The following CDO1 variants were observed in gnomAD, a reference collection of about 807,000 sequenced individuals.
CDO1 encodes cysteine dioxygenase, type I.
In CDO1, 19 loss-of-function variants were observed where a neutral mutation model predicts 24.5. The ratio of observed to expected loss-of-function variants is 0.77; its 90% confidence interval spans 0.54 to 1.14. The LOEUF is 1.14. CDO1 is among the 50% of genes most tolerant of loss of function. CDO1 has a pLI of 0.00. For missense variants in CDO1, 244 were observed against 244.8 expected (o/e 1.00, Z 0.02); for synonymous variants, 91 against 87.0 (o/e 1.05, Z -0.26).
At position 115,807,787 on chromosome 5, in the gene CDO1, G is replaced by A. The variant is rs187461335; in HGVS notation, c.404-1269C>T. ...TAACCTGTTAATGTTTTCCTGAGTC[G>A]AAGGACACGAATTCCCAGATTTAAA... On this transcript the variant is annotated intron_variant, in intron 3 of 4. Coordinates refer to ENST00000250535, the MANE Select transcript of CDO1 (RefSeq NM_001801.3). Among the ~76,000 whole-genome samples, 219 of 151,710 alleles carry A rather than the reference G, an allele frequency of 1.4e-3. 1 individual carries two copies. The highest frequency in any genetic ancestry group is 2.5e-3 in the Non-Finnish European group (170 of 67,944).
At chr5:115,812,574 T>A (rs1006880063) in intron 2 of CDO1, among the ~76,000 whole-genome samples, 2 of 152,206 alleles carry the variant, frequency 1.3e-5, no homozygotes, top group Non-Finnish European at 2.9e-5. Flanking sequence ...AAACACAATT[T>A]CACATAAAGT....
At chr5:115,809,193 C>T (rs1159721696) in intron 3 of CDO1, among the ~76,000 whole-genome samples, 1 of 152,158 alleles carries the variant, frequency 6.6e-6, no homozygotes, top group Non-Finnish European at 1.5e-5. Flanking sequence ...AAAAACAAGA[C>T]ACCCATCCTT....
chr5:115,813,501 T>G (rs964538509), intron 1 of CDO1, among the ~76,000 whole-genome samples: 34 of 151,924 alleles, frequency 2.2e-4, no homozygotes, highest in Non-Finnish European at 4.9e-4. Context: ...ACGGGAAAAA[T>G]AACAGGAAAA....
chr5:115,806,312 C>A, intron 4 of CDO1, 37 bp downstream of exon 4: 1 of 1,512,482 alleles, frequency 6.6e-7, no homozygotes, highest in East Asian at 2.3e-5. Flanking sequence ...CAGTGCCAAC[C>A]TACAGAGCAT....
chr5:115,816,642 A>C lies in CDO1; in HGVS notation c.-245T>G. ...TCGCTGGAGACGCGGTGCACACACA[A>C]ATCAGGTTCAGATCTGTGGGGTTCA... On this transcript the variant is annotated 5_prime_UTR_variant, in exon 1 of 5. It adds an upstream start codon to the 5' untranslated region. Transcript: ENST00000250535. 1.9e-6 allele frequency: 1 copy of C among 526,510 alleles called. No individual in the cohort carries two copies. The highest frequency in any genetic ancestry group is 1.9e-5 in the African/African-American group (1 of 52,156). The allele number at this position is 526,510 out of a possible 1,614,324, so 32.6% of individuals were successfully genotyped here. A position where few individuals can be genotyped will look rare whatever the true frequency, so the allele number is the denominator to read the frequency against.
chr5:115,814,901 T>C (rs933271890), intron 1 of CDO1, among the ~76,000 whole-genome samples: 7 of 152,134 alleles, frequency 4.6e-5, no homozygotes, highest in African/African-American at 1.7e-4. Flanking sequence ...AGTCTTCAAT[T>C]ACCTGGAGCA....
chr5:115,805,179 A>G lies in CDO1; in HGVS notation c.*254T>C. On this transcript the variant is annotated 3_prime_UTR_variant, in exon 5 of 5. Transcript: ENST00000250535. ...TATGGATTTAATGGAATTAGAGGATAGAACTATGAGAGCACTTGAAAACTT... is the reference window on the plus strand; with the variant it reads ...TATGGATTTAATGGAATTAGAGGATGGAACTATGAGAGCACTTGAAAACTT... The G allele has an allele frequency of 2.4e-6, 1 of 418,636 alleles. No homozygotes were observed. The highest frequency in any genetic ancestry group is 4.2e-6 in the Non-Finnish European group (1 of 237,062). 25.9% of individuals were successfully genotyped at this position (418,636 alleles called of 1,614,324 possible). A position where few individuals can be genotyped will look rare whatever the true frequency, so the allele number is the denominator to read the frequency against.
intron 3 of CDO1, among the ~76,000 whole-genome samples, chr5:115,808,132 C>T (rs1465134871): frequency 6.6e-6 from 1 of 152,142 alleles, no homozygotes; most frequent in East Asian, 1.9e-4. Context: ...GCACCTGCCA[C>T]CATGCCCAGC....
intron 3 of CDO1, among the ~76,000 whole-genome samples, chr5:115,809,386 C>T (rs559397851): frequency 6.6e-6 from 1 of 152,202 alleles, no homozygotes; most frequent in South Asian, 2.1e-4. Context: ...GCAACTTGGT[C>T]TCCTTGCCCC....
chr5:115,807,664 T>A (rs575941515), intron 3 of CDO1, among the ~76,000 whole-genome samples: 49 of 110,440 alleles, frequency 4.4e-4, no homozygotes, highest in African/African-American at 6.6e-4. Flanking sequence ...AGACAGAAAA[T>A]AGAAAAGAAA....
In CDO1 at chr5:115,816,514, C is replaced by T; in HGVS notation, c.-117G>A. 1 of 1,116,350 alleles carries T rather than the reference C, an allele frequency of 9.0e-7. No homozygotes were observed. Among genetic ancestry groups the T allele is most frequent in the Non-Finnish European group, 1.3e-6 (1 of 763,882 alleles). 69.2% of individuals were successfully genotyped at this position (1,116,350 alleles called of 1,614,324 possible). On this transcript the variant is annotated 5_prime_UTR_variant, in exon 1 of 5. In the 5' UTR this introduces an upstream ATG that the reference lacks. Transcript: ENST00000250535. ...AGCCCGCTAGACCGCTAAGCAGACA[C>T]ACACGCACAAACCCAGCATTAGAGT...
At chr5:115,816,133 C>T in intron 1 of CDO1, 95 bp downstream of exon 1, 1 of 1,336,378 alleles carries the variant, frequency 7.5e-7, no homozygotes, top group Non-Finnish European at 1.0e-6. Context: ...CCCGAGCTTC[C>T]CGAGCCAGTC....
At position 115,804,988 on chromosome 5, in the gene CDO1, C is replaced by T. The variant is rs1341551560; in HGVS notation, c.*445G>A. 6.5e-6 allele frequency: 1 copy of T among 153,770 alleles called. No individual in the cohort carries two copies. Among genetic ancestry groups the T allele is most frequent in the Non-Finnish European group, 1.4e-5 (1 of 69,224 alleles). The allele number at this position is 153,770 out of a possible 1,614,324, so 9.5% of individuals were successfully genotyped here. Reference sequence around the variant, plus strand: ...ATCTACAGATTCACAAAATTATCTTCCAATATTAAGAACATACAAAGTATA... The same window carrying T: ...ATCTACAGATTCACAAAATTATCTTTCAATATTAAGAACATACAAAGTATA... On this transcript the variant is annotated 3_prime_UTR_variant, in exon 5 of 5. Transcript: ENST00000250535.
chr5:115,810,339 GAA>G (rs777743616), intron 3 of CDO1, among the ~76,000 whole-genome samples: 1 of 152,000 alleles, frequency 6.6e-6, no homozygotes, highest in East Asian at 1.9e-4. Context: ...GATTTATGGA[GAA>G]AAAAACTTGC....
intron 2 of CDO1, 79 bp from the exon 3 acceptor site, chr5:115,811,394 G>GAC: frequency 9.9e-7 from 1 of 1,009,640 alleles, no homozygotes; most frequent in Non-Finnish European, 1.5e-6. Flanking sequence ...TCCCAGAACT[G>GAC]ACACCTGCAT....
chr5:115,812,475 T>C (rs1760231022), intron 2 of CDO1, among the ~76,000 whole-genome samples: 1 of 152,214 alleles, frequency 6.6e-6, no homozygotes, highest in Admixed American at 6.5e-5. Context: ...TTTCTGAATT[T>C]GCAATGCTTT....
At chr5:115,812,607 A>T (rs932151099) in intron 2 of CDO1, among the ~76,000 whole-genome samples, 5 of 152,184 alleles carry the variant, frequency 3.3e-5, no homozygotes, top group African/African-American at 1.2e-4. Flanking sequence ...AAAACAGAGT[A>T]TGGTTAACTT....
chr5:115,806,270 C>A (rs924377254), intron 4 of CDO1, 79 bp downstream of exon 4: 1 of 888,436 alleles, frequency 1.1e-6, no homozygotes, highest in East Asian at 2.8e-5. Flanking sequence ...TGAATTAAGA[C>A]TCATCTCATT....
chr5:115,804,847 G>A lies in CDO1; in HGVS notation c.*586C>T, dbSNP rs1350886983. 2 of 152,134 alleles carry A rather than the reference G, an allele frequency of 1.3e-5. No individual in the cohort carries two copies. Among genetic ancestry groups the A allele is most frequent in the African/African-American group, 4.8e-5 (2 of 41,416 alleles). The allele number at this position is 152,134 out of a possible 1,614,324, so 9.4% of individuals were successfully genotyped here. A position where few individuals can be genotyped will look rare whatever the true frequency, so the allele number is the denominator to read the frequency against. ...ATGTTTTGGTTTGTTGTGGTCTGGG[G>A]ATCATGTACTTTTCTAAATCCTCTG... On this transcript the variant is annotated 3_prime_UTR_variant, in exon 5 of 5. Coordinates refer to ENST00000250535, the MANE Select transcript of CDO1 (RefSeq NM_001801.3).
Sources: gnomAD v4.1 joint callset for allele counts (sites outside exome capture counted in the v4.1 genomes callset) on GRCh38, gnomAD v4.1.1 for gene constraint, MANE v1.5 for transcripts, NCBI Gene and HGNC (gene_info 2026-07-23, HGNC 2026-07-21) for gene names.